The following ST3GAL6 variants were observed in gnomAD, a reference collection of about 807,000 sequenced individuals.
ST3GAL6 encodes the protein type 2 lactosamine alpha-2,3-sialyltransferase.
A neutral mutation model predicts 40.5 loss-of-function variants in ST3GAL6; 31 were observed. The observed-to-expected ratio is 0.77, with a 90% CI of 0.58 to 1.03. The LOEUF is 1.03. Ranked by LOEUF, ST3GAL6 falls within the 50% of genes least tolerant of loss-of-function variation. The pLI is 0.00. For missense variants in ST3GAL6, 357 were observed against 393.2 expected (o/e 0.91, Z 0.78); for synonymous variants, 129 against 136.9 (o/e 0.94, Z 0.40).
At chr3:98,784,606 CTT>C (rs1940504723) in intron 5 of ST3GAL6, 1 of 213,368 alleles carries the variant, frequency 4.7e-6, no homozygotes, top group African/African-American at 2.3e-5. Context: ...TGGAGTATGA[CTT>C]TAAAATGTTA....
chr3:98,791,589 C>G (rs1234261875), intron 8 of ST3GAL6, among the ~76,000 whole-genome samples: 1 of 152,156 alleles, frequency 6.6e-6, no homozygotes, highest in African/African-American at 2.4e-5. Flanking sequence ...GATAGTTGTC[C>G]TCTGGGCTAA....
intron 1 of ST3GAL6, chr3:98,756,235 G>T (rs893831): frequency 0.43 from 273,157 of 640,432 alleles, 60,817 homozygotes; most frequent in Admixed American, 0.58. Context: ...CATCATCCTG[G>T]AAAACATTTT....
rs1418552194 is a variant in ST3GAL6, at chr3:98,784,979, G to A, written c.370G>A (p.Gly124Arg). 6.2e-7 allele frequency: 1 copy of A among 1,613,292 alleles called. No individual in the cohort carries two copies. The highest frequency in any genetic ancestry group is 8.5e-7 in the Non-Finnish European group (1 of 1,179,458). Residue 124 changes from glycine (G) to arginine (R), a missense_variant, in exon 6 of 10, where the codon GGA becomes AGA. Physicochemically the swap from Gly to Arg is moderately radical, Grantham distance 125. Transcript: ENST00000483910. ...PCKKCVVVGN[G>R]GVLKNKTLGE... The stretch of plus-strand genomic sequence containing the variant: ...TAAAAAGTGTGTGGTGGTTGGTAAT[G>A]GAGGAGTTTTGAAGAATAAGACATT...
chr3:98,733,298 G>A (rs2107229466), intron 1 of ST3GAL6: 1 of 985,416 alleles, frequency 1.0e-6, no homozygotes. Flanking sequence ...GGGCGGGAGG[G>A]ACGCGCAGCC....
At chr3:98,752,818 A>G (rs1406420322) in intron 1 of ST3GAL6, among the ~76,000 whole-genome samples, 1 of 152,220 alleles carries the variant, frequency 6.6e-6, no homozygotes, top group African/African-American at 2.4e-5. Flanking sequence ...GGGACACCAC[A>G]AACTACACCA....
intron 1 of ST3GAL6, among the ~76,000 whole-genome samples, chr3:98,741,811 ATTAGT>A (rs771236226): frequency 3.9e-5 from 6 of 152,224 alleles, no homozygotes; most frequent in Admixed American, 6.5e-5. Flanking sequence ...TGATGAAAAC[ATTAGT>A]TAAGTTAATA....
Position 98,749,908 on chromosome 3 carries a change from G to A in ST3GAL6, c.-12+17376G>A, listed in dbSNP as rs552571046. 2.6e-5 allele frequency among the ~76,000 whole-genome samples: 4 copies of A among 152,316 alleles called. No homozygotes were observed. The South Asian group carries it at 6.2e-4, about 24-fold the overall frequency. ...AGCAAAATATGACCAAGCAATAAAC[G>A]AGTACCTTCAAAGCTTTTAAGAAAT... On this transcript the variant is annotated intron_variant, in intron 1 of 9. Transcript: ENST00000265261.
At chr3:98,747,700 C>T (rs1475512226) in intron 1 of ST3GAL6, among the ~76,000 whole-genome samples, 2 of 151,926 alleles carry the variant, frequency 1.3e-5, no homozygotes, top group Non-Finnish European at 2.9e-5. Flanking sequence ...TATGGATAGA[C>T]CTAAAAATTA....
intron 5 of ST3GAL6, among the ~76,000 whole-genome samples, chr3:98,779,826 C>A (rs1939907777): frequency 6.6e-6 from 1 of 152,134 alleles, no homozygotes; most frequent in South Asian, 2.1e-4. Flanking sequence ...AATTCCTTCT[C>A]CAAACACAAA....
At chr3:98,789,668 A>G (rs920048521) in intron 8 of ST3GAL6, among the ~76,000 whole-genome samples, 16 of 152,224 alleles carry the variant, frequency 1.1e-4, no homozygotes, top group Non-Finnish European at 1.9e-4. Context: ...CAAAAAGCAT[A>G]CATGTTTTAA....
chr3:98,771,105 C>A, intron 3 of ST3GAL6, 149 bp downstream of exon 3: 1 of 1,516,532 alleles, frequency 6.6e-7, no homozygotes, highest in Non-Finnish European at 8.8e-7. Context: ...TATCCTGTCT[C>A]TTTTTGTGCT....
At chr3:98,782,751 C>A in intron 5 of ST3GAL6, 1 of 508,470 alleles carries the variant, frequency 2.0e-6, no homozygotes. Flanking sequence ...GTTCAGCCTC[C>A]AAGTGGTCTC....
At chr3:98,733,264 C>T (rs1935212102) in intron 1 of ST3GAL6, 1 of 982,670 alleles carries the variant, frequency 1.0e-6, no homozygotes, top group African/African-American at 1.7e-5. Context: ...AGAGGGCACC[C>T]GGGGATCCTG....
intron 1 of ST3GAL6, among the ~76,000 whole-genome samples, chr3:98,754,880 G>C (rs939361544): frequency 3.9e-5 from 6 of 152,190 alleles, no homozygotes; most frequent in Middle Eastern, 3.2e-3. Context: ...TTGGTTTTTA[G>C]ACACAATGCT....
intron 1 of ST3GAL6, among the ~76,000 whole-genome samples, chr3:98,741,579 G>A (rs954888589): frequency 2.0e-5 from 3 of 152,136 alleles, no homozygotes; most frequent in African/African-American, 7.2e-5. Flanking sequence ...CAAGAGTCAA[G>A]CATTTCAGGA....
At chr3:98,781,307 A>T (rs1415282606) in intron 5 of ST3GAL6, among the ~76,000 whole-genome samples, 1 of 152,108 alleles carries the variant, frequency 6.6e-6, no homozygotes, top group Non-Finnish European at 1.5e-5. Context: ...GAAGGGGAAC[A>T]TCACACACTG....
intron 1 of ST3GAL6, chr3:98,732,864 A>G (rs1356395525): frequency 1.5e-5 from 23 of 1,511,730 alleles, no homozygotes; most frequent in Non-Finnish European, 2.0e-5. Context: ...CTGCGGCCCG[A>G]TGTGGCAGGC....
At chr3:98,783,734 C>A in intron 5 of ST3GAL6, 1 of 978,892 alleles carries the variant, frequency 1.0e-6, no homozygotes, top group Non-Finnish European at 1.2e-6. Context: ...CCAACCTGTG[C>A]CACTGGTACT....
At chr3:98,786,896 G>A (rs1266377157) in intron 6 of ST3GAL6, among the ~76,000 whole-genome samples, 4 of 151,328 alleles carry the variant, frequency 2.6e-5, no homozygotes, top group African/African-American at 4.9e-5. Context: ...GGGAAAATAC[G>A]GACCTTTCTA....
Sources: gnomAD v4.1 joint callset for allele counts (sites outside exome capture counted in the v4.1 genomes callset) on GRCh38, gnomAD v4.1.1 for gene constraint, MANE v1.5 for transcripts, NCBI Gene and HGNC (gene_info 2026-07-23, HGNC 2026-07-21) for gene names.